ANO10: variants seen among roughly 807,000 people sequenced by gnomAD.
ANO10 encodes the protein anoctamin-10.
A neutral mutation model predicts 74.7 loss-of-function variants in ANO10; 77 were observed. The observed-to-expected ratio is 1.03, with a 90% CI of 0.86 to 1.25. ANO10 has a LOEUF of 1.25. ANO10 is among the 50% of genes most tolerant of loss of function. The probability of loss-of-function intolerance (pLI) is 0.00; values close to 1 mark genes in which losing one functional copy is unlikely to be tolerated. For synonymous variants in ANO10, 279 were observed against 284.9 expected, an observed-to-expected ratio of 0.98 and a Z score of 0.21; for missense variants, 721 against 778.1, an observed-to-expected ratio of 0.93 and a Z score of 0.87.
chr3:43,669,522 A>T (rs1264128172), intron 1 of ANO10, among the ~76,000 whole-genome samples: 1 of 152,068 alleles, frequency 6.6e-6, no homozygotes, highest in Non-Finnish European at 1.5e-5. Context: ...TGGTCTGGTT[A>T]AGTTGTGATT....
intron 11 of ANO10, among the ~76,000 whole-genome samples, chr3:43,441,220 C>CAAA (rs71083070): frequency 1.3e-5 from 2 of 148,582 alleles, no homozygotes; most frequent in Non-Finnish European, 3.0e-5. Flanking sequence ...AAAACAACAG[C>CAAA]AAAAAAAAAA....
intron 1 of ANO10, among the ~76,000 whole-genome samples, chr3:43,670,143 A>T (rs1417273534): frequency 2.0e-5 from 3 of 152,074 alleles, no homozygotes; most frequent in African/African-American, 7.2e-5. Context: ...GCTTGAGCTC[A>T]GGAGTTCGTG....
At chr3:43,684,044 C>T (rs116335444) in intron 1 of ANO10, among the ~76,000 whole-genome samples, 266 of 152,120 alleles carry the variant, frequency 1.7e-3, no homozygotes, top group Middle Eastern at 3.4e-3. Context: ...TCTAAAACAC[C>T]GAAAGCAACA....
chr3:43,454,002 T>C (rs1172115560), intron 11 of ANO10, among the ~76,000 whole-genome samples: 4 of 152,174 alleles, frequency 2.6e-5, no homozygotes, highest in African/African-American at 9.7e-5. Context: ...ATAAGTAACA[T>C]ACATAGTTTA....
intron 11 of ANO10, among the ~76,000 whole-genome samples, chr3:43,471,413 A>G (rs1390454940): frequency 6.6e-6 from 1 of 152,182 alleles, no homozygotes; most frequent in Non-Finnish European, 1.5e-5. Flanking sequence ...TTCTTGATCC[A>G]AAACCTCATC....
chr3:43,523,518 A>C (rs1174210928), intron 11 of ANO10, among the ~76,000 whole-genome samples: 1 of 152,184 alleles, frequency 6.6e-6, no homozygotes, highest in East Asian at 1.9e-4. Flanking sequence ...TCAGAAAAGG[A>C]ATAATGAGGG....
At chr3:43,688,478 G>A (rs1325804961) in intron 1 of ANO10, among the ~76,000 whole-genome samples, 1 of 152,202 alleles carries the variant, frequency 6.6e-6, no homozygotes, top group African/African-American at 2.4e-5. Context: ...GTTTTGGGAA[G>A]GCCTCCAAGT....
chr3:43,550,342 G>C (rs2079400519), intron 10 of ANO10, among the ~76,000 whole-genome samples: 1 of 152,124 alleles, frequency 6.6e-6, no homozygotes. Flanking sequence ...GCATCATTTA[G>C]CAAATCAAAT....
intron 11 of ANO10, among the ~76,000 whole-genome samples, chr3:43,445,695 A>AT (rs945121292): frequency 2.3e-3 from 339 of 148,066 alleles, no homozygotes; most frequent in South Asian, 3.9e-3. Context: ...CAGGCAATGC[A>AT]TTTTTTTTTT....
chr3:43,687,262 C>A (rs1165510255), intron 1 of ANO10, among the ~76,000 whole-genome samples: 1 of 152,142 alleles, frequency 6.6e-6, no homozygotes, highest in Non-Finnish European at 1.5e-5. Flanking sequence ...CCTGTCTCTA[C>A]CAAAACCAAA....
intron 11 of ANO10, among the ~76,000 whole-genome samples, chr3:43,506,057 T>C (rs1281320107): frequency 1.3e-5 from 2 of 152,218 alleles, no homozygotes; most frequent in African/African-American, 2.4e-5. Flanking sequence ...AAGCTATAAT[T>C]TGGAATAAGT....
At chr3:43,415,995 A>G (rs1344352694) in intron 12 of ANO10, among the ~76,000 whole-genome samples, 1 of 150,820 alleles carries the variant, frequency 6.6e-6, no homozygotes, top group Non-Finnish European at 1.5e-5. Context: ...TGACATTTTA[A>G]AAAGTGAACT....
chr3:43,531,900 CAAA>C (rs397952583), intron 11 of ANO10, among the ~76,000 whole-genome samples: 1 of 122,758 alleles, frequency 8.1e-6, no homozygotes, highest in African/African-American at 3.0e-5. Context: ...GACCCTGTCT[CAAA>C]AAAAAAAAAA....
intron 4 of ANO10, among the ~76,000 whole-genome samples, chr3:43,593,840 A>G (rs1333216295): frequency 6.6e-6 from 1 of 152,208 alleles, no homozygotes; most frequent in South Asian, 2.1e-4. Flanking sequence ...GTCGAGACCC[A>G]TCAGTATGCT....
At chr3:43,627,805 C>CAT (rs146981052) in intron 1 of ANO10, among the ~76,000 whole-genome samples, 11,541 of 151,060 alleles carry the variant, frequency 0.076, 465 homozygotes, top group South Asian at 0.17. Context: ...AGTTGCTGCA[C>CAT]ATATATATAT....
At chr3:43,655,898 C>A (rs1430606508) in intron 1 of ANO10, among the ~76,000 whole-genome samples, 1 of 100,178 alleles carries the variant, frequency 1.0e-5, no homozygotes, top group Non-Finnish European at 2.1e-5. Context: ...GGTGCATTCA[C>A]AAACCCTGAG....
intron 1 of ANO10, among the ~76,000 whole-genome samples, chr3:43,684,324 G>GA (rs2084244068): frequency 6.6e-6 from 1 of 152,174 alleles, no homozygotes; most frequent in African/African-American, 2.4e-5. Flanking sequence ...AAAGACACAT[G>GA]AAAAAATGCT....
intron 4 of ANO10, among the ~76,000 whole-genome samples, chr3:43,594,320 A>G (rs1162565862): frequency 2.6e-5 from 4 of 152,218 alleles, no homozygotes; most frequent in Admixed American, 2.6e-4. Context: ...TCTTCTCAGC[A>G]CCACATCACA....
At chr3:43,476,843 G>A (rs2076084404) in intron 11 of ANO10, among the ~76,000 whole-genome samples, 1 of 151,596 alleles carries the variant, frequency 6.6e-6, no homozygotes, top group African/African-American at 2.4e-5. Flanking sequence ...CATGTATTTT[G>A]AAAGAAGAAA....
Sources: allele counts gnomAD v4.1 joint callset (sites outside exome capture counted in the v4.1 genomes callset), GRCh38; gene constraint gnomAD v4.1.1; transcripts MANE v1.5; gene names NCBI Gene and HGNC (gene_info 2026-07-23, HGNC 2026-07-21).